The following ACLY variants were observed in gnomAD, a reference collection of about 807,000 sequenced individuals.
ACLY encodes ATP-citrate synthase.
Under a neutral mutation model 133.0 loss-of-function variants are expected in ACLY, and 41 were observed. The ratio of observed to expected loss-of-function variants is 0.31; its 90% CI spans 0.24 to 0.40. The LOEUF is 0.40. Among genes scored for constraint, ACLY ranks in the 10% least tolerant of loss-of-function variants. The probability of loss-of-function intolerance (pLI) is 1.00; values close to 1 mark genes in which losing one functional copy is unlikely to be tolerated. For synonymous variants in ACLY, 495 were observed against 549.3 expected, an observed-to-expected ratio of 0.90 and a Z score of 1.38; for missense variants, 1,046 against 1,453.8, an observed-to-expected ratio of 0.72 and a Z score of 4.56.
chr17:41,930,496 A>G, exon 1 of ACLY: 1 of 494,728 alleles, frequency 2.0e-6, no homozygotes, highest in Non-Finnish European at 3.7e-6. Context: ...TAACCAGCCC[A>G]GCCGTCAGCC....
intron 1 of ACLY, among the ~76,000 whole-genome samples, chr17:41,926,709 G>A (rs1329406961): frequency 6.6e-6 from 1 of 152,010 alleles, no homozygotes; most frequent in East Asian, 1.9e-4. Flanking sequence ...GGCTGATCTT[G>A]AACTCCTGAC....
upstream of ACLY, among the ~76,000 whole-genome samples, chr17:41,923,203 CTT>C (rs1406407039): frequency 1.4e-4 from 21 of 152,116 alleles, no homozygotes; most frequent in African/African-American, 3.9e-4. Context: ...GCTCTAAACT[CTT>C]TTGATTTTCC....
intron 22 of ACLY, among the ~76,000 whole-genome samples, chr17:41,875,406 C>CCTCCCTCTCCCCACGGT (rs2048712142): frequency 2.1e-5 from 3 of 142,938 alleles, no homozygotes; most frequent in East Asian, 4.3e-4. Context: ...GGGGAGCCCC[C>CCTCCCTCTCCCCACGGT]CTCCCTCTCC....
In ACLY at chr17:41,867,061, A is replaced by G. The variant is rs534434166; in HGVS notation, c.*749T>C. ...TTGGACCCACACTTCAGTTACAGAC[A>G]GACAAATCAGCTGCATAAATACAGA... On this transcript the variant is annotated 3_prime_UTR_variant, in exon 29 of 29. Coordinates refer to ENST00000352035, the MANE Select transcript of ACLY (RefSeq NM_001096.3). The G allele has an allele frequency of 6.5e-6, 1 of 152,780 alleles. No individual in the cohort carries two copies. Among genetic ancestry groups the G allele is most frequent in the South Asian group, 2.1e-4 (1 of 4,832 alleles). The allele number at this position is 152,780 out of a possible 1,614,324, so 9.5% of individuals were successfully genotyped here. A position where few individuals can be genotyped will look rare whatever the true frequency, so the allele number is the denominator to read the frequency against.
chr17:41,924,051 C>T (rs1598057585), intron 1 of ACLY, among the ~76,000 whole-genome samples: 1 of 152,152 alleles, frequency 6.6e-6, no homozygotes, highest in Admixed American at 6.6e-5. Flanking sequence ...CCTCATGATC[C>T]GCCTGCCTCG....
Position 41,918,872 on chromosome 17 carries a change from G to A in ACLY, c.-24+8C>T, listed in dbSNP as rs1189311143. 7.8e-7 allele frequency: 1 copy of A among 1,288,310 alleles called. No homozygotes were observed. Among genetic ancestry groups the A allele is most frequent in the East Asian group, 5.6e-5 (1 of 17,822 alleles). The allele number at this position is 1,288,310 out of a possible 1,614,324, so 79.8% of individuals were successfully genotyped here. On this transcript the variant is annotated splice_region_variant and intron_variant, in intron 1 of 28. Coordinates refer to ENST00000352035, the MANE Select transcript of ACLY (RefSeq NM_001096.3). Reference sequence around the variant, plus strand: ...CTCCAGCCAGCGAAAACAGCCTCCCGTGCTCACCTCTGCCGAAGTCCGTGC... The same window carrying A: ...CTCCAGCCAGCGAAAACAGCCTCCCATGCTCACCTCTGCCGAAGTCCGTGC...
intron 16 of ACLY, among the ~76,000 whole-genome samples, chr17:41,888,506 G>A (rs782300073): frequency 2.0e-5 from 3 of 152,230 alleles, no homozygotes; most frequent in Admixed American, 6.5e-5. Flanking sequence ...GCCCAGAGGC[G>A]GGGTGGGAGG....
intron 1 of ACLY, among the ~76,000 whole-genome samples, chr17:41,924,074 G>A (rs1555635733): frequency 6.6e-6 from 1 of 152,154 alleles, no homozygotes; most frequent in Non-Finnish European, 1.5e-5. Flanking sequence ...ATCCCAATGT[G>A]CTGGGATTAC....
chr17:41,876,828 T>C (rs1451651415), intron 22 of ACLY, among the ~76,000 whole-genome samples: 3 of 151,998 alleles, frequency 2.0e-5, no homozygotes, highest in African/African-American at 7.3e-5. Flanking sequence ...TGTTCACTTA[T>C]CTGCTGACCT....
rs1555632252 is a variant in ACLY, at chr17:41,904,711, CACT to C, written c.1065+15_1065+17del. The C allele has an allele frequency of 3.1e-6, 5 of 1,612,120 alleles. No individual in the cohort carries two copies. Among genetic ancestry groups the C allele is most frequent in the Admixed American group, 3.3e-5 (2 of 59,980 alleles). ...AAACCACTTTCCCCAGAAACTGCAC[CACT>C]GTTGCAACTGTTACCTTGAACGTGG... On this transcript the variant is annotated intron_variant, in intron 10 of 28. Coordinates refer to ENST00000352035, the MANE Select transcript of ACLY (RefSeq NM_001096.3).
intron 2 of ACLY, among the ~76,000 whole-genome samples, chr17:41,912,896 C>T (rs781964616): frequency 6.6e-6 from 1 of 152,112 alleles, no homozygotes; most frequent in Non-Finnish European, 1.5e-5. Flanking sequence ...AACATGTGTT[C>T]CAAAGAGGAA....
chr17:41,904,243 G>A (rs533144842), intron 10 of ACLY, among the ~76,000 whole-genome samples: 238 of 98,840 alleles, frequency 2.4e-3, no homozygotes, highest in Non-Finnish European at 3.7e-3. Context: ...GAAGGGAGGG[G>A]AGGAAGGAAG....
intron 3 of ACLY, 124 bp downstream of exon 3, chr17:41,912,296 C>T (rs2049925763): frequency 1.5e-6 from 2 of 1,359,946 alleles, no homozygotes; most frequent in Admixed American, 2.1e-5. Context: ...CGCCACAGGA[C>T]TCCTGCCTTC....
intron 16 of ACLY, among the ~76,000 whole-genome samples, chr17:41,888,061 G>A (rs1555628590): frequency 1.3e-5 from 2 of 152,170 alleles, no homozygotes; most frequent in African/African-American, 4.8e-5. Context: ...CCGGGAGGTG[G>A]AGGTTGCAGT....
chr17:41,928,417 C>A (rs1256920925), intron 1 of ACLY, among the ~76,000 whole-genome samples: 1 of 152,120 alleles, frequency 6.6e-6, no homozygotes, highest in Non-Finnish European at 1.5e-5. Flanking sequence ...AATACCATTA[C>A]CGTAGCTTTA....
At chr17:41,908,890 C>A in intron 6 of ACLY, 99 bp downstream of exon 6, 1 of 973,910 alleles carries the variant, frequency 1.0e-6, no homozygotes. Flanking sequence ...TCTTGTGTTA[C>A]CCTCTGGCAA....
intron 8 of ACLY, 85 bp from the exon 9 acceptor site, chr17:41,905,743 C>T (rs2049696374): frequency 1.3e-6 from 2 of 1,538,360 alleles, no homozygotes; most frequent in Admixed American, 1.7e-5. Context: ...ACACGGATCC[C>T]TCAAAACACT....
rs201197177 is a variant in ACLY, at chr17:41,907,409, C to G, written c.747+33G>C. On this transcript the variant is annotated intron_variant, in intron 7 of 28. Transcript: ENST00000352035. ...GAGTCACCTCCCCACCGCCCTCCCC[C>G]CAGTCCCCATCTCCTCTCTAAACCA... is the stretch of plus-strand genomic sequence containing the variant. 7.5e-4 allele frequency: 1,202 copies of G among 1,603,286 alleles called. 21 individuals are homozygous for G. The South Asian group carries it at 0.012, about 16-fold the overall frequency.
chr17:41,871,988 G>A (rs781843195), intron 24 of ACLY, 44 bp downstream of exon 24: 2 of 1,609,634 alleles, frequency 1.2e-6, no homozygotes, highest in Non-Finnish European at 1.7e-6. Context: ...TGAGGCCAAG[G>A]CCCAGTGTCC....
Sources: gnomAD v4.1 joint callset for allele counts (sites outside exome capture counted in the v4.1 genomes callset) on GRCh38, gnomAD v4.1.1 for gene constraint, MANE v1.5 for transcripts, NCBI Gene and HGNC (gene_info 2026-07-23, HGNC 2026-07-21) for gene names.